CSMD1: variants seen among roughly 807,000 people sequenced by gnomAD.
The protein encoded by CSMD1 is CUB and Sushi multiple domains 1, also known as CUB and sushi domain-containing protein 1.
In CSMD1, 213 loss-of-function variants were observed where a neutral mutation model predicts 417.5. The ratio of observed to expected loss-of-function variants is 0.51; its 90% CI spans 0.46 to 0.57. The LOEUF is 0.57. Among genes scored for constraint, CSMD1 ranks in the 20% least tolerant of loss-of-function variants. CSMD1 has a pLI of 0.00. For synonymous variants in CSMD1, 2,862 were observed against 1,736.8 expected (o/e 1.65, Z -16.11); for missense variants, 6,923 against 4,529.7 (o/e 1.53, Z -15.17).
In CSMD1 at chr8:4,033,399, A is replaced by G. The variant is rs537707462; in HGVS notation, c.416-1300T>C. 1.3e-3 allele frequency among the ~76,000 whole-genome samples: 196 copies of G among 152,222 alleles called. 7 individuals carry two copies. In the South Asian group the frequency reaches 0.019, roughly 15 times the overall value. ...GGAGCTTGCGGTGAGCCGAGATCGC[A>G]CCACTGCACTCCAGCGTGGGTGACA... On this transcript the variant is annotated intron_variant, in intron 3 of 69. Coordinates refer to ENST00000635120, the MANE Select transcript of CSMD1 (RefSeq NM_033225.6).
chr8:3,963,816 A>G (rs1004071665), intron 5 of CSMD1, among the ~76,000 whole-genome samples: 1 of 152,216 alleles, frequency 6.6e-6, no homozygotes, highest in South Asian at 2.1e-4. Flanking sequence ...TTGAAATAAA[A>G]TCAACATCAA....
intron 1 of CSMD1, among the ~76,000 whole-genome samples, chr8:4,862,348 A>G (rs959601917): frequency 2.6e-5 from 4 of 152,152 alleles, no homozygotes; most frequent in Non-Finnish European, 5.9e-5. Context: ...AGGGCTTTGC[A>G]CAGATGGAGA....
intron 62 of CSMD1, among the ~76,000 whole-genome samples, chr8:2,959,719 G>A (rs1320553085): frequency 6.6e-6 from 1 of 152,128 alleles, no homozygotes; most frequent in African/African-American, 2.4e-5. Context: ...CACTGAAATG[G>A]CTCACTTTGT....
rs1381124112 is a variant in CSMD1 at position 4,083,920 on chromosome 8, G to C, written c.416-51821C>G. ...TGAACAGGCGACTTACAAAATGAGA[G>C]AAAACTTTCGCAACCTACTCACATC... On this transcript the variant is annotated intron_variant, in intron 3 of 69. Coordinates refer to ENST00000635120, the MANE Select transcript of CSMD1 (RefSeq NM_033225.6). Among the ~76,000 whole-genome samples, 5 of 151,826 alleles carry C rather than the reference G, an allele frequency of 3.3e-5. No individual in the cohort carries two copies. In the East Asian group the frequency reaches 9.7e-4, roughly 29 times the overall value.
intron 1 of CSMD1, among the ~76,000 whole-genome samples, chr8:4,743,010 T>C (rs1419644085): frequency 6.6e-6 from 1 of 152,174 alleles, no homozygotes; most frequent in African/African-American, 2.4e-5. Flanking sequence ...CTTCACTGTG[T>C]TTGGAGAATT....
chr8:3,241,640 G>A (rs1799532257), intron 26 of CSMD1, among the ~76,000 whole-genome samples: 1 of 152,180 alleles, frequency 6.6e-6, no homozygotes, highest in South Asian at 2.1e-4. Context: ...CTGGGCTGCA[G>A]GCATTCCTTG....
chr8:4,678,442 C>T (rs1293662782), intron 1 of CSMD1, among the ~76,000 whole-genome samples: 1 of 151,996 alleles, frequency 6.6e-6, no homozygotes, highest in East Asian at 1.9e-4. Flanking sequence ...GTTAACAAAA[C>T]TAAAAACTAT....
intron 3 of CSMD1, among the ~76,000 whole-genome samples, chr8:4,264,168 C>T (rs1055364762): frequency 6.6e-6 from 1 of 152,144 alleles, no homozygotes; most frequent in Non-Finnish European, 1.5e-5. Flanking sequence ...GGGCACTATG[C>T]AGAAGCTGTT....
At chr8:4,891,516 T>C (rs1318086052) in intron 1 of CSMD1, among the ~76,000 whole-genome samples, 1 of 152,154 alleles carries the variant, frequency 6.6e-6, no homozygotes, top group Non-Finnish European at 1.5e-5. Flanking sequence ...AATAGTGTTT[T>C]ATACTAAAAA....
chr8:3,978,300 C>G (rs1025630255), intron 5 of CSMD1, among the ~76,000 whole-genome samples: 7 of 152,180 alleles, frequency 4.6e-5, no homozygotes, highest in Non-Finnish European at 8.8e-5. Flanking sequence ...ACACAAACCC[C>G]ACAAAAACAA....
At chr8:4,076,341 C>T (rs955188901) in intron 3 of CSMD1, among the ~76,000 whole-genome samples, 1 of 152,186 alleles carries the variant, frequency 6.6e-6, no homozygotes, top group Non-Finnish European at 1.5e-5. Flanking sequence ...AACTGTGTGT[C>T]AATCAAACCT....
intron 3 of CSMD1, among the ~76,000 whole-genome samples, chr8:4,081,083 T>C (rs1800105450): frequency 6.6e-6 from 1 of 152,162 alleles, no homozygotes; most frequent in Non-Finnish European, 1.5e-5. Flanking sequence ...AATGCAACAC[T>C]TTGGAAGCAG....
chr8:4,891,826 T>A (rs2117003750), intron 1 of CSMD1, among the ~76,000 whole-genome samples: 1 of 152,260 alleles, frequency 6.6e-6, no homozygotes, highest in Non-Finnish European at 1.5e-5. Context: ...GCATTTACAT[T>A]ATTTGTGTAG....
intron 7 of CSMD1, among the ~76,000 whole-genome samples, chr8:3,643,920 A>C (rs2117333869): frequency 6.6e-6 from 1 of 152,290 alleles, no homozygotes; most frequent in Non-Finnish European, 1.5e-5. Flanking sequence ...ACAAAACCTA[A>C]AGGGATTTGT....
At chr8:4,721,824 G>C (rs535833505) in intron 1 of CSMD1, among the ~76,000 whole-genome samples, 32 of 152,284 alleles carry the variant, frequency 2.1e-4, no homozygotes, top group African/African-American at 7.2e-4. Flanking sequence ...ACCAATGCAT[G>C]AGTGGAACAT....
At chr8:4,079,930 G>C (rs1055539195) in intron 3 of CSMD1, among the ~76,000 whole-genome samples, 1 of 151,400 alleles carries the variant, frequency 6.6e-6, no homozygotes, top group Non-Finnish European at 1.5e-5. Context: ...TTTTCTCAGT[G>C]TCTTCTCATG....
At chr8:3,557,870 T>A (rs187066432) in intron 10 of CSMD1, among the ~76,000 whole-genome samples, 2 of 152,206 alleles carry the variant, frequency 1.3e-5, no homozygotes, top group African/African-American at 4.8e-5. Context: ...AATAATGCCA[T>A]TGGTTCAGCA....
chr8:3,431,215 C>G (rs1013347454), intron 12 of CSMD1, among the ~76,000 whole-genome samples: 8 of 152,148 alleles, frequency 5.3e-5, no homozygotes, highest in African/African-American at 1.7e-4. Flanking sequence ...CACTAAGACA[C>G]AGGTCCATGC....
intron 5 of CSMD1, among the ~76,000 whole-genome samples, chr8:3,859,277 G>C (rs1316154063): frequency 2.6e-5 from 4 of 152,174 alleles, no homozygotes; most frequent in Non-Finnish European, 5.9e-5. Context: ...AGTCTTTCTA[G>C]TTTTCCTTCA....
Sources: gnomAD v4.1 joint callset for allele counts (sites outside exome capture counted in the v4.1 genomes callset) on GRCh38, gnomAD v4.1.1 for gene constraint, MANE v1.5 for transcripts, NCBI Gene and HGNC (gene_info 2026-07-23, HGNC 2026-07-21) for gene names.